The following ECH1 variants were observed in gnomAD, a reference collection of about 807,000 sequenced individuals.
The protein encoded by ECH1 is delta(3,5)-Delta(2,4)-dienoyl-CoA isomerase, mitochondrial.
ECH1 carries 30 observed loss-of-function variants against 37.0 expected under a neutral mutation model. The observed-to-expected ratio is 0.81, with a 90% CI of 0.61 to 1.10. ECH1 has a LOEUF of 1.10. Ranked by LOEUF, ECH1 falls within the 50% of genes least tolerant of loss-of-function variation. The pLI is 0.00. For missense variants in ECH1, 456 were observed against 441.6 expected (o/e 1.03, Z -0.29); for synonymous variants, 178 against 176.0 (o/e 1.01, Z -0.09).
intron 3 of ECH1, among the ~76,000 whole-genome samples, chr19:38,829,984 C>T (rs573417265): frequency 1.3e-5 from 2 of 152,044 alleles, no homozygotes; most frequent in East Asian, 1.9e-4. Flanking sequence ...GGTAAAACTC[C>T]GTCTCTACTA....
chr19:38,830,954 C>CAAA (rs574213368), intron 3 of ECH1, 124 bp downstream of exon 3: 479 of 696,720 alleles, frequency 6.9e-4, no homozygotes, highest in African/African-American at 5.1e-3. Flanking sequence ...GACCCCGTCT[C>CAAA]AAAAAAAAAA....
Position 38,831,748 on chromosome 19 carries a change from G to C in ECH1, c.25C>G (p.Arg9Gly), listed in dbSNP as rs776920494. 6.2e-7 allele frequency: 1 copy of C among 1,612,980 alleles called. No individual in the cohort carries two copies. Among genetic ancestry groups the C allele is most frequent in the South Asian group, 1.1e-5 (1 of 90,932 alleles). The change falls in exon 1 of 10, where the codon CGC (arginine) becomes GGC (glycine). Residue 9 changes from arginine to glycine, a missense_variant. Coordinates refer to ENST00000221418, the MANE Select transcript of ECH1 (RefSeq NM_001398.3). MAAGIVAS[R>G]RLRDLLTRRL... Reference sequence around the variant, plus strand: ...CGGGTCAGTAGGTCGCGGAGTCTGCGAGAAGCCACTATCCCCGCCGCCATC... The same window carrying C: ...CGGGTCAGTAGGTCGCGGAGTCTGCCAGAAGCCACTATCCCCGCCGCCATC...
intron 3 of ECH1, among the ~76,000 whole-genome samples, chr19:38,827,908 A>G (rs1413753739): frequency 6.6e-6 from 1 of 152,014 alleles, no homozygotes; most frequent in Non-Finnish European, 1.5e-5. Context: ...GGGTGCATGT[A>G]TGGTCTGTAA....
chr19:38,828,292 C>T lies in ECH1; in HGVS notation c.349+2786G>A, dbSNP rs534162189. Among the ~76,000 whole-genome samples, 5 of 152,228 alleles carry T rather than the reference C, an allele frequency of 3.3e-5. No homozygotes were observed. In the South Asian group the frequency reaches 6.2e-4, roughly 19 times the overall value. On this transcript the variant is annotated intron_variant, in intron 3 of 9. Transcript: ENST00000221418. ...TGTCACCAAGGCTGGAGTGCAATGG[C>T]GTGATGTAGGCTCACTGCAACCTCT...
In ECH1 at chr19:38,825,124, A is replaced by G. The variant is rs555960952; in HGVS notation, c.349+5954T>C. On this transcript the variant is annotated intron_variant, in intron 3 of 9. Transcript: ENST00000221418. ...CCTTTAATGAAAAGAATGCAGCTTT[A>G]GCTGCAGCCTGAGAGTTTGGAGATA... Among the ~76,000 whole-genome samples, 17 of 152,340 alleles carry G rather than the reference A, an allele frequency of 1.1e-4. No homozygotes were observed. The South Asian group carries it at 3.1e-3, about 28-fold the overall frequency.
intron 3 of ECH1, 90 bp from the exon 4 acceptor site, chr19:38,817,665 G>T: frequency 2.7e-6 from 4 of 1,461,686 alleles, no homozygotes; most frequent in South Asian, 1.5e-5. Context: ...CAGCAGGTTC[G>T]AACCCCCAAA....
chr19:38,816,829 C>T lies in ECH1; in HGVS notation c.588+236G>A, dbSNP rs2145369432. The T allele has an allele frequency of 6.3e-6, 4 of 633,958 alleles. No individual in the cohort carries two copies. The South Asian group carries it at 7.7e-5, about 12-fold the overall frequency. 39.3% of individuals were successfully genotyped at this position (633,958 alleles called of 1,614,324 possible). ...ACTGCATCCCCCGGCTCCATCCTGC[C>T]TCCCACCCTCACCAGTATGGCCCCA... is the stretch of plus-strand genomic sequence containing the variant. On this transcript the variant is annotated intron_variant, in intron 6 of 9. Transcript: ENST00000221418.
At chr19:38,831,660 C>T (rs765166644) in intron 1 of ECH1, 61 bp downstream of exon 1, 17 of 1,605,148 alleles carry the variant, frequency 1.1e-5, no homozygotes, top group Non-Finnish European at 1.4e-5. Flanking sequence ...CCTCCCCGTC[C>T]TACATCTGCT....
chr19:38,821,884 C>T (rs1410195549), intron 3 of ECH1, among the ~76,000 whole-genome samples: 2 of 152,258 alleles, frequency 1.3e-5, no homozygotes, highest in African/African-American at 4.8e-5. Flanking sequence ...GAGTGCTCCG[C>T]CTGCGGCCCT....
chr19:38,823,337 C>T (rs116903186), intron 3 of ECH1: 1,879 of 154,986 alleles, frequency 0.012, 17 homozygotes, highest in South Asian at 0.022. Context: ...TATTACCTAT[C>T]GCCAAGCGGT....
At chr19:38,821,507 G>A (rs538571731) in intron 3 of ECH1, among the ~76,000 whole-genome samples, 3 of 152,300 alleles carry the variant, frequency 2.0e-5, no homozygotes, top group Non-Finnish European at 4.4e-5. Flanking sequence ...GGAGAGGCGC[G>A]GGCGGGAACC....
Position 38,817,377 on chromosome 19 carries a change from AG to A in ECH1, c.475-14del. 6.2e-7 allele frequency: 1 copy of A among 1,600,800 alleles called. No homozygotes were observed. Among genetic ancestry groups the A allele is most frequent in the Non-Finnish European group, 8.5e-7 (1 of 1,173,766 alleles). On this transcript the variant is annotated splice_polypyrimidine_tract_variant and intron_variant, in intron 4 of 9. Coordinates refer to ENST00000221418, the MANE Select transcript of ECH1 (RefSeq NM_001398.3). ...CGGGCTTGGGGCACTGAGAGGGAAC[AG>A]GAAGAGTGGGGTCAGGGCTGGCCCA...
chr19:38,816,420 T>A, intron 7 of ECH1, 33 bp downstream of exon 7: 1 of 1,613,934 alleles, frequency 6.2e-7, no homozygotes, highest in Non-Finnish European at 8.5e-7. Context: ...CTCTGGGGTC[T>A]CCTGCCCACA....
chr19:38,822,450 AG>A (rs1400091508), intron 3 of ECH1, among the ~76,000 whole-genome samples: 2 of 151,348 alleles, frequency 1.3e-5, no homozygotes, highest in African/African-American at 4.9e-5. Flanking sequence ...GTCTAGCTCA[AG>A]GTTTGTAAAT....
At chr19:38,825,055 C>A (rs1971719285) in intron 3 of ECH1, among the ~76,000 whole-genome samples, 1 of 152,190 alleles carries the variant, frequency 6.6e-6, no homozygotes, top group Non-Finnish European at 1.5e-5. Flanking sequence ...AAACTTTCGA[C>A]CTCGCTTGGA....
At position 38,831,056 on chromosome 19, in the gene ECH1, G is replaced by C. The variant is rs367741649; in HGVS notation, c.349+22C>G. 62 of 1,608,898 alleles carry C rather than the reference G, an allele frequency of 3.9e-5. No homozygotes were observed. In the East Asian group the frequency reaches 4.9e-4, roughly 13 times the overall value. On this transcript the variant is annotated intron_variant, in intron 3 of 9. Coordinates refer to ENST00000221418, the MANE Select transcript of ECH1 (RefSeq NM_001398.3). The stretch of plus-strand genomic sequence containing the variant: ...GCCAGGAGCTAGGAAGGCTGGCAGG[G>C]TGTGTGAAGAGCGTCTGGTACCTGC...
At chr19:38,823,338 G>T (rs8100689) in intron 3 of ECH1, 10,378 of 154,528 alleles carry the variant, frequency 0.067, 1,023 homozygotes, top group African/African-American at 0.22. Flanking sequence ...ATTACCTATC[G>T]CCAAGCGGTG....
At chr19:38,816,575 C>T (rs1478677409) in intron 6 of ECH1, 52 bp from the exon 7 acceptor site, 4 of 1,598,730 alleles carry the variant, frequency 2.5e-6, no homozygotes, top group African/African-American at 2.7e-5. Flanking sequence ...CTGTGCCCCT[C>T]GCAATGTCAA....
rs1377077585 is a variant in ECH1 at position 38,831,413 on chromosome 19, G to A, written c.156C>T (p.Asp52=). 1.9e-6 allele frequency: 3 copies of A among 1,613,966 alleles called. No homozygotes were observed. In the South Asian group the frequency reaches 3.3e-5, roughly 18 times the overall value. ...ASGVALGEAP[D]HSYESLRVTS... is the part of the protein sequence containing the mutation. ...TCACACGAAGGGACTCATAGCTGTG[G>A]TCTGGGGCTTCACCGAGGGCTACTC... The change falls in exon 2 of 10, where the codon GAC becomes GAT. Residue 52 remains aspartate, a synonymous_variant. Coordinates refer to ENST00000221418, the MANE Select transcript of ECH1 (RefSeq NM_001398.3).
Sources: allele counts gnomAD v4.1 joint callset (sites outside exome capture counted in the v4.1 genomes callset), GRCh38; gene constraint gnomAD v4.1.1; transcripts MANE v1.5; gene names NCBI Gene and HGNC (gene_info 2026-07-23, HGNC 2026-07-21).